Variants in CEMIP2 observed in about 807,000 individuals in gnomAD.
CEMIP2 encodes the protein cell migration inducing hyaluronidase 2.
A neutral mutation model predicts 146.9 loss-of-function variants in CEMIP2; 79 were observed. That is an observed-to-expected ratio of 0.54 (90% CI 0.45 to 0.65). The LOEUF (loss-of-function observed/expected upper bound fraction) is 0.65, where lower values mean the gene tolerates loss of function less well. Ranked by LOEUF, CEMIP2 falls within the 30% of genes least tolerant of loss-of-function variation. The pLI is 0.00. For synonymous variants in CEMIP2, 601 were observed against 606.3 expected (o/e 0.99, Z 0.13); for missense variants, 1,596 against 1,696.2 (o/e 0.94, Z 1.04).
At chr9:71,766,766 T>C (rs1824808552) in intron 1 of CEMIP2, among the ~76,000 whole-genome samples, 1 of 152,246 alleles carries the variant, frequency 6.6e-6, no homozygotes, top group South Asian at 2.1e-4. Flanking sequence ...CACAGGTTAA[T>C]AAGAACAGGT....
chr9:71,750,297 C>A lies in CEMIP2; in HGVS notation c.77G>T (p.Gly26Val), dbSNP rs1001741040. 1 of 1,613,710 alleles carries A rather than the reference C, an allele frequency of 6.2e-7. No homozygotes were observed. Among genetic ancestry groups the A allele is most frequent in the Non-Finnish European group, 8.5e-7 (1 of 1,179,976 alleles). Residue 26 changes from glycine to valine, a missense_variant, in exon 2 of 24, where the codon GGC becomes GTC. By Grantham distance (109) the Gly-to-Val change is moderately radical. Coordinates refer to ENST00000377044, the MANE Select transcript of CEMIP2 (RefSeq NM_013390.3). ...PQNGNSRHPS[G>V]YVPGKVVPLR... ...TGGGACAACCTTCCCTGGAACATAG[C>A]CAGATGGGTGACGACTATTTCCATT...
At chr9:71,761,626 G>T (rs1299740338) in intron 1 of CEMIP2, among the ~76,000 whole-genome samples, 1 of 152,158 alleles carries the variant, frequency 6.6e-6, no homozygotes, top group Non-Finnish European at 1.5e-5. Context: ...TTGGAATAAA[G>T]CCTTTTCAAA....
intron 11 of CEMIP2, among the ~76,000 whole-genome samples, chr9:71,724,857 G>A (rs1392720893): frequency 1.3e-5 from 2 of 152,116 alleles, no homozygotes; most frequent in Non-Finnish European, 2.9e-5. Flanking sequence ...TCAACCCCTA[G>A]AAGGATATTA....
chr9:71,688,334 T>C (rs1822129362), intron 22 of CEMIP2, among the ~76,000 whole-genome samples: 1 of 152,146 alleles, frequency 6.6e-6, no homozygotes, highest in Non-Finnish European at 1.5e-5. Flanking sequence ...TCGATGGTTC[T>C]TAAGATTAAG....
chr9:71,722,491 C>T lies in CEMIP2; in HGVS notation c.2203G>A (p.Val735Ile), dbSNP rs1823261464. Residue 735 changes from valine to isoleucine, a missense_variant, in exon 12 of 24, where the codon GTC (valine) becomes ATC (isoleucine). Coordinates refer to ENST00000377044, the MANE Select transcript of CEMIP2 (RefSeq NM_013390.3). ...GCAGCACTAGAGTTGGTTGTTTTGA[C>T]ACCTTTGTCAATAAATAAGCCAGCC... ...FKAGLFIDKG[V>I]KTTNSSAADP... The T allele has an allele frequency of 6.2e-7, 1 of 1,613,336 alleles. No homozygotes were observed. The highest frequency in any genetic ancestry group is 1.3e-5 in the African/African-American group (1 of 74,898).
At position 71,709,341 on chromosome 9, in the gene CEMIP2, A is replaced by T; in HGVS notation, c.2903T>A (p.Met968Lys). 1.2e-6 allele frequency: 2 copies of T among 1,614,178 alleles called. No individual in the cohort carries two copies. Among genetic ancestry groups the T allele is most frequent in the Non-Finnish European group, 1.7e-6 (2 of 1,180,020 alleles). The change falls in exon 17 of 24, where the codon ATG becomes AAG. Residue 968 changes from methionine to lysine, a missense_variant. Coordinates refer to ENST00000377044, the MANE Select transcript of CEMIP2 (RefSeq NM_013390.3). ...TGYKDAYVGR[M>K]DNYLIRHPSC... ...TGGATGGCGGATCAGGTAGTTGTCC[A>T]TTCTTCCCACATAAGCATCCTTGTA...
chr9:71,702,172 C>G (rs1822579458), intron 18 of CEMIP2, among the ~76,000 whole-genome samples: 2 of 149,046 alleles, frequency 1.3e-5, no homozygotes, highest in Admixed American at 6.8e-5. Flanking sequence ...GTAGGAGGAT[C>G]AACTTAACCC....
intron 11 of CEMIP2, among the ~76,000 whole-genome samples, chr9:71,724,278 A>C (rs1823322005): frequency 6.6e-6 from 1 of 152,060 alleles, no homozygotes; most frequent in South Asian, 2.1e-4. Context: ...TGGGCGACAG[A>C]GCAAGACTCT....
At position 71,745,331 on chromosome 9, in the gene CEMIP2, T is replaced by A; in HGVS notation, c.721A>T (p.Thr241Ser). 1 of 1,613,476 alleles carries A rather than the reference T, an allele frequency of 6.2e-7. No individual in the cohort carries two copies. Among genetic ancestry groups the A allele is most frequent in the South Asian group, 1.1e-5 (1 of 91,082 alleles). ...ELHGARKASW[T>S]LLARTLNSSG... ...GAATTCAGGGTCCTTGCCAACAACG[T>A]CCACGATGCCTTCCGTGCCCCATGT... The change falls in exon 4 of 24, where the codon ACG (threonine) becomes TCG (serine). Residue 241 changes from threonine (T) to serine (S), a missense_variant. By Grantham distance (58) the Thr-to-Ser change is moderately conservative. Coordinates refer to ENST00000377044, the MANE Select transcript of CEMIP2 (RefSeq NM_013390.3).
chr9:71,710,884 T>C (rs1415451179), intron 16 of CEMIP2, among the ~76,000 whole-genome samples: 3 of 152,166 alleles, frequency 2.0e-5, no homozygotes, highest in African/African-American at 7.2e-5. Context: ...TACTTGTGCC[T>C]CTGATCCACA....
At chr9:71,740,608 G>C (rs916566139) in intron 4 of CEMIP2, among the ~76,000 whole-genome samples, 2 of 152,022 alleles carry the variant, frequency 1.3e-5, no homozygotes, top group African/African-American at 4.8e-5. Context: ...TTAATACAAT[G>C]TTCTCAAAAA....
chr9:71,727,385 C>A, intron 10 of CEMIP2, among the ~76,000 whole-genome samples: 1 of 152,180 alleles, frequency 6.6e-6, no homozygotes, highest in Admixed American at 6.5e-5. Context: ...CTAGCACAAA[C>A]CTCATACAGG....
Position 71,685,353 on chromosome 9 carries a change from T to C in CEMIP2, c.3996A>G (p.Pro1332=), listed in dbSNP as rs759573552. The C allele has an allele frequency of 6.4e-6, 10 of 1,568,614 alleles. No homozygotes were observed. Among genetic ancestry groups the C allele is most frequent in the Non-Finnish European group, 7.7e-6 (9 of 1,166,570 alleles). ...IFLGFSGNFK[P]SWTKLFTSPA... The stretch of plus-strand genomic sequence containing the variant: ...GACTGGTAAATAGCTTAGTCCATGA[T>C]GGTTTAAAGTTTCCACTGAATCCCA... The change falls in exon 24 of 24, where the codon CCA becomes CCG. Residue 1332 remains proline (P), a synonymous_variant. Coordinates refer to ENST00000377044, the MANE Select transcript of CEMIP2 (RefSeq NM_013390.3).
intron 13 of CEMIP2, among the ~76,000 whole-genome samples, chr9:71,716,990 A>G (rs933171467): frequency 6.6e-6 from 1 of 152,186 alleles, no homozygotes; most frequent in Non-Finnish European, 1.5e-5. Context: ...TGGGCAACAC[A>G]GGGACACTCT....
chr9:71,692,327 G>A (rs930983120), intron 21 of CEMIP2, among the ~76,000 whole-genome samples: 6 of 85,374 alleles, frequency 7.0e-5, no homozygotes, highest in African/African-American at 2.9e-4. Flanking sequence ...TTGGCAAAAC[G>A]CTCTCCCCAT....
Position 71,730,884 on chromosome 9 carries a change from AAAG to A in CEMIP2, c.1591_1593del (p.Leu531del). The A allele has an allele frequency of 6.2e-7, 1 of 1,614,232 alleles. No homozygotes were observed. The highest frequency in any genetic ancestry group is 8.5e-7 in the Non-Finnish European group (1 of 1,180,050). ...CCCATGTGTTTCAATTCCACATAAG[AAAG>A]ATGGACTGAAGTAAAATTTTTCATT... On this transcript the variant is annotated inframe_deletion, in exon 8 of 24. Transcript: ENST00000377044.
At chr9:71,759,007 CAGTT>C (rs1224877207) in intron 1 of CEMIP2, among the ~76,000 whole-genome samples, 1 of 152,110 alleles carries the variant, frequency 6.6e-6, no homozygotes, top group African/African-American at 2.4e-5. Flanking sequence ...ACACTCTGCA[CAGTT>C]AGTTTACTTA....
At chr9:71,748,971 A>T (rs1017229007) in intron 2 of CEMIP2, among the ~76,000 whole-genome samples, 1 of 152,218 alleles carries the variant, frequency 6.6e-6, no homozygotes, top group African/African-American at 2.4e-5. Context: ...CAAATATGGT[A>T]CCCAGTCCAG....
chr9:71,701,461 C>T (rs1469713152), intron 18 of CEMIP2, among the ~76,000 whole-genome samples: 6 of 152,258 alleles, frequency 3.9e-5, no homozygotes, highest in Admixed American at 3.9e-4. Context: ...TTGGATAAAA[C>T]AGACTTAGAC....
Sources: gnomAD v4.1 joint callset for allele counts (sites outside exome capture counted in the v4.1 genomes callset) on GRCh38, gnomAD v4.1.1 for gene constraint, MANE v1.5 for transcripts, NCBI Gene and HGNC (gene_info 2026-07-23, HGNC 2026-07-21) for gene names.